The following CTTNBP2NL variants were observed in gnomAD, a reference collection of about 807,000 sequenced individuals.
CTTNBP2NL encodes the protein CTTNBP2 N-terminal like.
Under a neutral mutation model 32.5 loss-of-function variants are expected in CTTNBP2NL, and 16 were observed. The observed-to-expected ratio is 0.49, with a 90% CI of 0.33 to 0.75. The LOEUF is 0.75. Ranked by LOEUF, CTTNBP2NL falls within the 30% of genes least tolerant of loss-of-function variation. The pLI is 0.02. For synonymous variants in CTTNBP2NL, 298 were observed against 289.4 expected (o/e 1.03, Z -0.30); for missense variants, 645 against 756.0 (o/e 0.85, Z 1.72).
intron 3 of CTTNBP2NL, among the ~76,000 whole-genome samples, chr1:112,432,980 A>G (rs1456591581): frequency 4.6e-5 from 7 of 152,120 alleles, no homozygotes; most frequent in Non-Finnish European, 1.5e-5. Flanking sequence ...CGTGTTGACC[A>G]TCCTCCTTGT....
rs888979802 is a variant in CTTNBP2NL, at chr1:112,459,910, A to G, written c.*2498A>G. On this transcript the variant is annotated 3_prime_UTR_variant, in exon 6 of 6. Transcript: ENST00000271277. ...TGTAATATGGGGGTGGGGATATGCG[A>G]AAGAAATGTGTATTTTTGCTAGTTG... 1 of 152,198 alleles carries G rather than the reference A, an allele frequency of 6.6e-6. No individual in the cohort carries two copies. Among genetic ancestry groups the G allele is most frequent in the Middle Eastern group, 3.2e-3 (1 of 316 alleles). The allele number at this position is 152,198 out of a possible 1,614,324, so 9.4% of individuals were successfully genotyped here.
chr1:112,457,273 C>G lies in CTTNBP2NL; in HGVS notation c.1781C>G (p.Ser594Cys). 6.2e-7 allele frequency: 1 copy of G among 1,614,204 alleles called. No individual in the cohort carries two copies. The highest frequency in any genetic ancestry group is 8.5e-7 in the Non-Finnish European group (1 of 1,180,032). ...AAACCTGGCCTCACCCCTTCTCCAT[C>G]TGCTACCACTCCATTGACCAAAACT... The part of the protein sequence containing the change: ...PKKPGLTPSP[S>C]ATTPLTKTHS... Residue 594 changes from serine to cysteine, a missense_variant, in exon 6 of 6, where the codon TCT becomes TGT. Transcript: ENST00000271277.
chr1:112,457,374 G>T lies in CTTNBP2NL; in HGVS notation c.1882G>T (p.Gly628Cys). 2 of 1,613,962 alleles carry T rather than the reference G, an allele frequency of 1.2e-6. No homozygotes were observed. Among genetic ancestry groups the T allele is most frequent in the South Asian group, 2.2e-5 (2 of 91,008 alleles). ...CTCTTCCAATACTGTTGTAGCAAAT[G>T]GTAAGGATGTTGAGTTACTTTTGCC... ...SCSSNTVVAN[G>C]KDVELLLPTS... Residue 628 changes from glycine to cysteine, a missense_variant, in exon 6 of 6, where the codon GGT becomes TGT. Coordinates refer to ENST00000271277, the MANE Select transcript of CTTNBP2NL (RefSeq NM_018704.3).
chr1:112,411,673 G>A (rs767797047), intron 1 of CTTNBP2NL, among the ~76,000 whole-genome samples: 2 of 142,796 alleles, frequency 1.4e-5, no homozygotes, highest in African/African-American at 2.5e-5. Flanking sequence ...AAAAATTTCC[G>A]TTGTAATTAT....
At chr1:112,396,394 T>G (rs1160123271) in intron 1 of CTTNBP2NL, 122 bp downstream of exon 1, 1 of 152,252 alleles carries the variant, frequency 6.6e-6, no homozygotes, top group African/African-American at 2.4e-5. Context: ...GCCCATCCCC[T>G]GAGGGGGCGG....
In CTTNBP2NL at chr1:112,457,069, G is replaced by T; in HGVS notation, c.1577G>T (p.Ser526Ile). Residue 526 changes from serine (S) to isoleucine (I), a missense_variant, in exon 6 of 6, where the codon AGC becomes ATC. Coordinates refer to ENST00000271277, the MANE Select transcript of CTTNBP2NL (RefSeq NM_018704.3). ...CCAATCAAGCCAGTCTCTCCCAACA[G>T]CTCTCCCTTTGGCACAGACTATCGA... ...QGPIKPVSPNSSPFGTDYRNL... is the reference protein window; with the variant it reads ...QGPIKPVSPNISPFGTDYRNL... 1 of 1,614,136 alleles carries T rather than the reference G, an allele frequency of 6.2e-7. No individual in the cohort carries two copies. The highest frequency in any genetic ancestry group is 8.5e-7 in the Non-Finnish European group (1 of 1,180,028).
chr1:112,457,284 C>T lies in CTTNBP2NL; in HGVS notation c.1792C>T (p.Pro598Ser), dbSNP rs1187349105. The T allele has an allele frequency of 1.9e-6, 3 of 1,614,052 alleles. No homozygotes were observed. Among genetic ancestry groups the T allele is most frequent in the African/African-American group, 2.7e-5 (2 of 74,918 alleles). Reference sequence around the variant, plus strand: ...CACCCCTTCTCCATCTGCTACCACTCCATTGACCAAAACTCATTCCCAGGC... The same window carrying T: ...CACCCCTTCTCCATCTGCTACCACTTCATTGACCAAAACTCATTCCCAGGC... The part of the protein sequence containing the change: ...GLTPSPSATT[P>S]LTKTHSQAAS... The change falls in exon 6 of 6, where the codon CCA (proline) becomes TCA (serine). Residue 598 changes from proline (P) to serine (S), a missense_variant. By Grantham distance (74) the Pro-to-Ser change is moderately conservative (BLOSUM62 -1). Transcript: ENST00000271277.
chr1:112,427,952 A>G (rs1649451002), intron 3 of CTTNBP2NL, among the ~76,000 whole-genome samples: 1 of 152,076 alleles, frequency 6.6e-6, no homozygotes, highest in Non-Finnish European at 1.5e-5. Context: ...TGGGTGGTAT[A>G]TCCACATGAT....
At chr1:112,394,077 G>C (rs112926687), upstream of CTTNBP2NL, among the ~76,000 whole-genome samples, 2,350 of 152,096 alleles carry the variant, frequency 0.015, 63 homozygotes, top group African/African-American at 0.054. Flanking sequence ...ACAGTGACAG[G>C]CGCCTATAAT....
chr1:112,443,191 T>C, intron 3 of CTTNBP2NL, among the ~76,000 whole-genome samples: 1 of 152,186 alleles, frequency 6.6e-6, no homozygotes, highest in African/African-American at 2.4e-5. Flanking sequence ...AGAGGGAATA[T>C]TTGAAGTTCA....
chr1:112,404,115 A>G (rs1436996097), intron 1 of CTTNBP2NL, among the ~76,000 whole-genome samples: 1 of 152,248 alleles, frequency 6.6e-6, no homozygotes, highest in Non-Finnish European at 1.5e-5. Flanking sequence ...ATGAAAGAGC[A>G]AGTGGCAGAG....
rs144611381 is a variant in CTTNBP2NL, at chr1:112,457,374, G to A, written c.1882G>A (p.Gly628Ser). ...SCSSNTVVAN[G>S]KDVELLLPTS... is the part of the protein sequence containing the mutation. ...CTCTTCCAATACTGTTGTAGCAAATGGTAAGGATGTTGAGTTACTTTTGCC... is the reference window on the plus strand; with the variant it reads ...CTCTTCCAATACTGTTGTAGCAAATAGTAAGGATGTTGAGTTACTTTTGCC... Residue 628 changes from glycine to serine, a missense_variant, in exon 6 of 6, where the codon GGT (glycine) becomes AGT (serine). Physicochemically the swap from Gly to Ser is moderately conservative, Grantham distance 56 (BLOSUM62 0). Transcript: ENST00000271277. 43 of 1,613,962 alleles carry A rather than the reference G, an allele frequency of 2.7e-5. No homozygotes were observed. The African/African-American group carries it at 5.5e-4, about 21-fold the overall frequency.
At chr1:112,448,820 G>T (rs1311148309) in intron 3 of CTTNBP2NL, 122 bp from the exon 4 acceptor site, 4 of 625,290 alleles carry the variant, frequency 6.4e-6, no homozygotes, top group Non-Finnish European at 1.2e-5. Flanking sequence ...AATCTGACTT[G>T]TAATTAGTAG....
intron 3 of CTTNBP2NL, among the ~76,000 whole-genome samples, chr1:112,419,682 T>C (rs1649166028): frequency 6.6e-6 from 1 of 152,146 alleles, no homozygotes; most frequent in African/African-American, 2.4e-5. Flanking sequence ...AAACGTAAAA[T>C]TGAACTTAGC....
intron 1 of CTTNBP2NL, among the ~76,000 whole-genome samples, chr1:112,411,783 C>T (rs1648875404): frequency 1.3e-5 from 2 of 151,828 alleles, no homozygotes; most frequent in Admixed American, 6.6e-5. Context: ...CCTGGGTTCA[C>T]GCCATTCTCC....
chr1:112,406,787 C>G (rs1648680088), intron 1 of CTTNBP2NL, among the ~76,000 whole-genome samples: 1 of 152,028 alleles, frequency 6.6e-6, no homozygotes, highest in African/African-American at 2.4e-5. Flanking sequence ...AAGCATAGAT[C>G]CAGATAATCT....
chr1:112,395,478 A>G (rs991371216), upstream of CTTNBP2NL, among the ~76,000 whole-genome samples: 1 of 152,212 alleles, frequency 6.6e-6, no homozygotes, highest in African/African-American at 2.4e-5. Flanking sequence ...CACTGCAAAC[A>G]CCATTCCCCA....
In CTTNBP2NL at chr1:112,456,986, G is replaced by A; in HGVS notation, c.1494G>A (p.Lys498=). ...CCCTCATAGACAACTCTGCCGCCAA[G>A]CAGCTGGCCCGAAACACAGTCACTC... ...SPTLIDNSAA[K]QLARNTVTQV... is the part of the protein sequence containing the mutation. The change falls in exon 6 of 6, where the codon AAG becomes AAA. Residue 498 remains lysine, a synonymous_variant. Transcript: ENST00000271277. The A allele has an allele frequency of 1.2e-6, 2 of 1,614,050 alleles. No homozygotes were observed. Among genetic ancestry groups the A allele is most frequent in the Middle Eastern group, 1.6e-4 (1 of 6,062 alleles).
intron 3 of CTTNBP2NL, among the ~76,000 whole-genome samples, chr1:112,425,547 T>C (rs1282633993): frequency 6.6e-6 from 1 of 152,144 alleles, no homozygotes; most frequent in East Asian, 1.9e-4. Context: ...AACTCACTTA[T>C]TAATTCCAGT....
Sources: gnomAD v4.1 joint callset for allele counts (sites outside exome capture counted in the v4.1 genomes callset) on GRCh38, gnomAD v4.1.1 for gene constraint, MANE v1.5 for transcripts, NCBI Gene and HGNC (gene_info 2026-07-23, HGNC 2026-07-21) for gene names.